Variants in LTBP2 observed in about 807,000 individuals in gnomAD.
LTBP2 encodes the protein latent-transforming growth factor beta-binding protein 2.
In LTBP2, 103 loss-of-function variants were observed where a neutral mutation model predicts 210.6. That is an observed-to-expected ratio of 0.49 (90% CI 0.42 to 0.58). The LOEUF (loss-of-function observed/expected upper bound fraction) is 0.58. Ranked by LOEUF, LTBP2 falls within the 20% of genes least tolerant of loss-of-function variation. LTBP2 has a pLI of 0.00. For missense variants in LTBP2, 2,313 were observed against 2,494.5 expected, an observed-to-expected ratio of 0.93 and a Z score of 1.55; for synonymous variants, 1,007 against 1,015.0, an observed-to-expected ratio of 0.99 and a Z score of 0.15.
intron 3 of LTBP2, among the ~76,000 whole-genome samples, chr14:74,577,023 G>A (rs1216172187): frequency 6.6e-6 from 1 of 152,102 alleles, no homozygotes; most frequent in African/African-American, 2.4e-5. Flanking sequence ...GCTTGCCCAA[G>A]GTCACAAGGC....
chr14:74,529,159 C>A, intron 10 of LTBP2, 37 bp from the exon 11 acceptor site: 1 of 1,550,584 alleles, frequency 6.4e-7, no homozygotes, highest in Non-Finnish European at 8.7e-7. Flanking sequence ...GGGCAGGTGG[C>A]CAGTGGGAGG....
At chr14:74,523,943 G>A (rs1253781892) in intron 15 of LTBP2, among the ~76,000 whole-genome samples, 12 of 152,084 alleles carry the variant, frequency 7.9e-5, no homozygotes, top group Non-Finnish European at 1.8e-4. Context: ...CCCTCTCCCC[G>A]GGCCTGGCTC....
intron 2 of LTBP2, among the ~76,000 whole-genome samples, chr14:74,587,298 G>A (rs2088220234): frequency 6.6e-6 from 1 of 152,032 alleles, no homozygotes; most frequent in East Asian, 1.9e-4. Flanking sequence ...CTGGGACAAA[G>A]TCCTTGTCCA....
At chr14:74,564,420 A>G (rs2139764990) in intron 3 of LTBP2, among the ~76,000 whole-genome samples, 1 of 124,456 alleles carries the variant, frequency 8.0e-6, no homozygotes, top group African/African-American at 3.2e-5. Context: ...TTTGAGACAG[A>G]GTCTCACTCT....
At chr14:74,597,218 C>T (rs570609993) in intron 2 of LTBP2, among the ~76,000 whole-genome samples, 111 of 152,270 alleles carry the variant, frequency 7.3e-4, no homozygotes, top group African/African-American at 2.5e-3. Context: ...GAGTGAGCCC[C>T]GGGCATTACT....
At chr14:74,517,658 C>A (rs1266784726) in intron 17 of LTBP2, among the ~76,000 whole-genome samples, 1 of 152,174 alleles carries the variant, frequency 6.6e-6, no homozygotes, top group African/African-American at 2.4e-5. Context: ...TAAGCATGAA[C>A]CACTGCACCT....
chr14:74,551,829 A>G (rs1336363489), intron 6 of LTBP2, among the ~76,000 whole-genome samples: 1 of 152,182 alleles, frequency 6.6e-6, no homozygotes, highest in African/African-American at 2.4e-5. Context: ...GCACCTAATA[A>G]TGGAAGGCAG....
Position 74,612,207 on chromosome 14 carries a change from C to G in LTBP2, c.-263G>C. The stretch of plus-strand genomic sequence containing the variant: ...GCCTCCTCCCTGTGCCTGCAGCCGT[C>G]TGAAGGGGACCCGGACGGTTTTATT... On this transcript the variant is annotated 5_prime_UTR_variant, in exon 1 of 36. Coordinates refer to ENST00000261978, the MANE Select transcript of LTBP2 (RefSeq NM_000428.3). 1 of 470,954 alleles carries G rather than the reference C, an allele frequency of 2.1e-6. No homozygotes were observed. Among genetic ancestry groups the G allele is most frequent in the Non-Finnish European group, 3.7e-6 (1 of 269,930 alleles). The allele number at this position is 470,954 out of a possible 1,614,324, so 29.2% of individuals were successfully genotyped here. A position where few individuals can be genotyped will look rare whatever the true frequency, so the allele number is the denominator to read the frequency against.
intron 1 of LTBP2, 103 bp from the exon 2 acceptor site, chr14:74,603,808 A>G (rs1595303796): frequency 1.1e-6 from 1 of 939,654 alleles, no homozygotes; most frequent in East Asian, 2.4e-5. Context: ...GCCTGGAGGA[A>G]CATGGAGAGG....
At chr14:74,609,532 C>T (rs977918287) in intron 1 of LTBP2, among the ~76,000 whole-genome samples, 1 of 152,182 alleles carries the variant, frequency 6.6e-6, no homozygotes, top group African/African-American at 2.4e-5. Flanking sequence ...GGTTCCCCTA[C>T]ACCAAAGCTG....
At chr14:74,590,278 G>T (rs1307369628) in intron 2 of LTBP2, among the ~76,000 whole-genome samples, 16 of 152,150 alleles carry the variant, frequency 1.1e-4, no homozygotes, top group Admixed American at 1.0e-3. Context: ...ATTCAATCCA[G>T]CAATCCCACT....
intron 4 of LTBP2, among the ~76,000 whole-genome samples, chr14:74,554,315 C>G (rs1313611870): frequency 6.6e-6 from 1 of 152,032 alleles, no homozygotes; most frequent in African/African-American, 2.4e-5. Context: ...GCCTGGGCAA[C>G]ATGCAAGACC....
At chr14:74,537,342 G>T (rs1466794222) in intron 8 of LTBP2, among the ~76,000 whole-genome samples, 1 of 152,216 alleles carries the variant, frequency 6.6e-6, no homozygotes, top group African/African-American at 2.4e-5. Flanking sequence ...AACAAAAAGA[G>T]AACTCAGCTA....
chr14:74,513,663 TG>T (rs1310435717), intron 18 of LTBP2, among the ~76,000 whole-genome samples: 5 of 149,778 alleles, frequency 3.3e-5, no homozygotes, highest in African/African-American at 1.3e-4. Flanking sequence ...ATTAGCCGGG[TG>T]TGGTGGTGGG....
In LTBP2 at chr14:74,512,615, G is replaced by C. The variant is rs1234581722; in HGVS notation, c.2909-1251C>G. ...GGACACATCGAAGCCCTCTGTCCCA[G>C]AGGACTGGGACCCTCTCAAGCCTAA... On this transcript the variant is annotated intron_variant, in intron 18 of 35. Coordinates refer to ENST00000261978, the MANE Select transcript of LTBP2 (RefSeq NM_000428.3). Among the ~76,000 whole-genome samples, 3 of 152,230 alleles carry C rather than the reference G, an allele frequency of 2.0e-5. No individual in the cohort carries two copies. In the East Asian group the frequency reaches 5.8e-4, roughly 29 times the overall value.
chr14:74,522,414 C>A (rs779390879), intron 16 of LTBP2, among the ~76,000 whole-genome samples: 1 of 152,152 alleles, frequency 6.6e-6, no homozygotes, highest in Non-Finnish European at 1.5e-5. Context: ...CAGACCTCCC[C>A]CTACGGATGA....
chr14:74,503,995 T>C lies in LTBP2; in HGVS notation c.4513A>G (p.Thr1505Ala), dbSNP rs758952168. 25 of 1,613,872 alleles carry C rather than the reference T, an allele frequency of 1.5e-5. No individual in the cohort carries two copies. The highest frequency in any genetic ancestry group is 2.0e-5 in the Non-Finnish European group (24 of 1,179,858). Residue 1505 changes from threonine (T) to alanine (A), a missense_variant, in exon 31 of 36, where the codon ACC (threonine) becomes GCC (alanine). By Grantham distance (58) the Thr-to-Ala change is moderately conservative. Around this residue, in one of 3 missense-constraint regions of LTBP2, gnomAD observed 443 missense variants for 501.4 expected, o/e 0.88. Transcript: ENST00000261978. The stretch of plus-strand genomic sequence containing the variant: ...CACAGGCAGACATAACCAGGCACGG[T>C]GTTGAGGCACCGGCCGTTCGGGCAG... The part of the protein sequence containing the change: ...GLCPNGRCLN[T>A]VPGYVCLCNP...
In LTBP2 at chr14:74,507,143, A is replaced by G. The variant is rs756833357; in HGVS notation, c.3907+36T>C. ...CAATATGTGAAAAATAGGTTTTCTCAGCCCTCTCTCCTCTCTCTCCTCCCT... is the reference window on the plus strand; with the variant it reads ...CAATATGTGAAAAATAGGTTTTCTCGGCCCTCTCTCCTCTCTCTCCTCCCT... On this transcript the variant is annotated intron_variant, in intron 26 of 35. Coordinates refer to ENST00000261978, the MANE Select transcript of LTBP2 (RefSeq NM_000428.3). 15 of 1,613,894 alleles carry G rather than the reference A, an allele frequency of 9.3e-6. No individual in the cohort carries two copies. The South Asian group carries it at 1.6e-4, about 18-fold the overall frequency.
At chr14:74,564,347 A>T (rs1158761916) in intron 3 of LTBP2, among the ~76,000 whole-genome samples, 1 of 15,996 alleles carries the variant, frequency 6.3e-5, no homozygotes, top group Non-Finnish European at 1.4e-4. Flanking sequence ...ATATATATTT[A>T]TATATATTTA....
Sources: gnomAD v4.1 joint callset for allele counts (sites outside exome capture counted in the v4.1 genomes callset) on GRCh38, gnomAD v4.1.1 for gene constraint, gnomAD v4.1.1 regional missense constraint, MANE v1.5 for transcripts, NCBI Gene and HGNC (gene_info 2026-07-23, HGNC 2026-07-21) for gene names.